SHLD1: variants seen among roughly 807,000 people sequenced by gnomAD.
The protein encoded by SHLD1 is shieldin complex subunit 1.
SHLD1 carries 3 observed loss-of-function variants against 5.5 expected under a neutral mutation model. The ratio of observed to expected loss-of-function variants is 0.54; its 90% CI spans 0.25 to 1.40. SHLD1 has a LOEUF of 1.40. Among genes scored for constraint, SHLD1 ranks in the 40% most tolerant of loss-of-function variants. The pLI is 0.15. For synonymous variants in SHLD1, 92 were observed against 94.3 expected, an observed-to-expected ratio of 0.98 and a Z score of 0.14; for missense variants, 210 against 244.4, an observed-to-expected ratio of 0.86 and a Z score of 0.94.
chr20:5,834,934 A>G (rs1028671547), intron 2 of SHLD1, among the ~76,000 whole-genome samples: 6 of 151,240 alleles, frequency 4.0e-5, no homozygotes, highest in Admixed American at 3.3e-4. Context: ...ATTCATGAGG[A>G]CTCCTCCTTC....
intron 1 of SHLD1, among the ~76,000 whole-genome samples, chr20:5,764,152 T>TTTTATATATATA (rs1984662184): frequency 2.9e-5 from 2 of 70,060 alleles, no homozygotes; most frequent in African/African-American, 1.1e-4. Flanking sequence ...ATATATATAT[T>TTTTATATATATA]TATATTTATA....
At chr20:5,832,677 C>T (rs561519992) in intron 2 of SHLD1, among the ~76,000 whole-genome samples, 9 of 151,982 alleles carry the variant, frequency 5.9e-5, no homozygotes, top group East Asian at 5.8e-4. Context: ...AGTATTCTTC[C>T]GGGGTAAAAC....
intron 2 of SHLD1, among the ~76,000 whole-genome samples, chr20:5,793,449 G>GT (rs1157342029): frequency 2.6e-5 from 4 of 151,724 alleles, no homozygotes; most frequent in South Asian, 2.1e-4. Flanking sequence ...CACGTTGTGG[G>GT]TTTTTTTTGA....
chr20:5,821,023 G>A (rs1477491093), intron 2 of SHLD1, among the ~76,000 whole-genome samples: 2 of 152,180 alleles, frequency 1.3e-5, no homozygotes, highest in African/African-American at 4.8e-5. Context: ...TGATATCCAC[G>A]GTTTGCTTAA....
At chr20:5,755,448 C>T (rs556163842) in intron 1 of SHLD1, among the ~76,000 whole-genome samples, 1 of 152,284 alleles carries the variant, frequency 6.6e-6, no homozygotes, top group South Asian at 2.1e-4. Context: ...AGTTTCATCC[C>T]AAAACCGTCC....
intron 1 of SHLD1, among the ~76,000 whole-genome samples, chr20:5,772,354 T>C (rs1266328264): frequency 6.6e-6 from 1 of 152,164 alleles, no homozygotes; most frequent in Non-Finnish European, 1.5e-5. Context: ...ACTGAATGAC[T>C]AAGGGGCAGG....
chr20:5,777,569 G>A (rs1186631690), intron 2 of SHLD1, among the ~76,000 whole-genome samples: 1 of 150,560 alleles, frequency 6.6e-6, no homozygotes, highest in African/African-American at 2.4e-5. Flanking sequence ...ATAGGCGTGT[G>A]TTATCCTGCC....
chr20:5,774,332 G>C (rs1354793981), intron 2 of SHLD1, among the ~76,000 whole-genome samples: 1 of 152,202 alleles, frequency 6.6e-6, no homozygotes. Context: ...ACTACAGGTA[G>C]GATGTGTAAC....
intron 2 of SHLD1, among the ~76,000 whole-genome samples, chr20:5,777,628 T>A (rs1338944474): frequency 6.7e-6 from 1 of 150,246 alleles, no homozygotes; most frequent in African/African-American, 2.5e-5. Context: ...AGAGATGAGA[T>A]CTCACTATGT....
chr20:5,803,081 G>A (rs1246679263), intron 2 of SHLD1, among the ~76,000 whole-genome samples: 1 of 152,070 alleles, frequency 6.6e-6, no homozygotes, highest in African/African-American at 2.4e-5. Context: ...AAGAGGGGCC[G>A]TATTTCAATC....
intron 2 of SHLD1, among the ~76,000 whole-genome samples, chr20:5,841,451 A>G (rs530195535): frequency 6.6e-6 from 1 of 151,976 alleles, no homozygotes; most frequent in East Asian, 1.9e-4. Context: ...TGCCACTTAG[A>G]GGTCAAAAAA....
At chr20:5,856,395 G>C (rs1015253925) in intron 2 of SHLD1, among the ~76,000 whole-genome samples, 65 of 152,218 alleles carry the variant, frequency 4.3e-4, no homozygotes, top group African/African-American at 1.5e-3. Context: ...AGGTGGGACT[G>C]AATCTTGTTC....
chr20:5,859,458 C>T (rs963555318), intron 2 of SHLD1, among the ~76,000 whole-genome samples: 3 of 152,184 alleles, frequency 2.0e-5, no homozygotes, highest in African/African-American at 4.8e-5. Flanking sequence ...CCCCCTTTGA[C>T]AGCTCTACAA....
At position 5,764,585 on chromosome 20, in the gene SHLD1, A is replaced by G. The variant is rs551497179; in HGVS notation, c.-4-8277A>G. The stretch of plus-strand genomic sequence containing the variant: ...ATGGTGTCTCATGCCTGCAGTCCCA[A>G]CTACTCAGGAAGCCAACACAGGAGG... On this transcript the variant is annotated intron_variant, in intron 1 of 2. Coordinates refer to ENST00000303142, the MANE Select transcript of SHLD1 (RefSeq NM_152504.4). 3.3e-5 allele frequency among the ~76,000 whole-genome samples: 5 copies of G among 151,358 alleles called. No homozygotes were observed. In the South Asian group the frequency reaches 1.0e-3, roughly 32 times the overall value.
chr20:5,831,694 A>C (rs537963642), intron 2 of SHLD1, among the ~76,000 whole-genome samples: 1 of 152,178 alleles, frequency 6.6e-6, no homozygotes, highest in South Asian at 2.1e-4. Flanking sequence ...GCTTCCCTGG[A>C]GTTGTCTCCA....
chr20:5,850,905 C>T (rs886972333), intron 2 of SHLD1, among the ~76,000 whole-genome samples: 16 of 152,140 alleles, frequency 1.1e-4, no homozygotes, highest in African/African-American at 3.1e-4. Flanking sequence ...CTTGGCTGGT[C>T]GATGCTCCAT....
chr20:5,841,204 C>T (rs1286342094), intron 2 of SHLD1, among the ~76,000 whole-genome samples: 1 of 148,674 alleles, frequency 6.7e-6, no homozygotes, highest in Non-Finnish European at 1.5e-5. Context: ...TGTGTGTGTG[C>T]ACATGCATAT....
chr20:5,844,800 T>TATATATATATA (rs1491104211), intron 2 of SHLD1, among the ~76,000 whole-genome samples: 1 of 70,176 alleles, frequency 1.4e-5, no homozygotes, highest in Non-Finnish European at 2.7e-5. Flanking sequence ...TATATATATA[T>TATATATATATA]TTTTTTTTTT....
At chr20:5,775,037 G>GTGTA (rs796320267) in intron 2 of SHLD1, among the ~76,000 whole-genome samples, 16 of 152,130 alleles carry the variant, frequency 1.1e-4, no homozygotes, top group African/African-American at 3.6e-4. Flanking sequence ...AACTTTGTTT[G>GTGTA]TGTATGTATT....
Sources: gnomAD v4.1 joint callset for allele counts (sites outside exome capture counted in the v4.1 genomes callset) on GRCh38, gnomAD v4.1.1 for gene constraint, MANE v1.5 for transcripts, NCBI Gene and HGNC (gene_info 2026-07-23, HGNC 2026-07-21) for gene names.